MYL3: variants seen among roughly 807,000 people sequenced by gnomAD.
MYL3 encodes the protein CMLC1.
In MYL3, 11 loss-of-function variants were observed where a neutral mutation model predicts 21.3. The observed-to-expected ratio is 0.52, with a 90% confidence interval of 0.32 to 0.85. The LOEUF (loss-of-function observed/expected upper bound fraction) is 0.85. MYL3 is among the 40% of genes least tolerant of loss of function. MYL3 has a pLI of 0.03. For synonymous variants in MYL3, 88 were observed against 91.6 expected, an observed-to-expected ratio of 0.96 and a Z score of 0.22; for missense variants, 206 against 253.3, an observed-to-expected ratio of 0.81 and a Z score of 1.27.
rs1701948770 is a variant in MYL3, at chr3:46,858,093, C to T, written c.*22G>A. 9.7e-7 allele frequency: 1 copy of T among 1,032,066 alleles called. No homozygotes were observed. Among genetic ancestry groups the T allele is most frequent in the Non-Finnish European group, 1.5e-6 (1 of 669,502 alleles). 63.9% of individuals were successfully genotyped at this position (1,032,066 alleles called of 1,614,324 possible). A position where few individuals can be genotyped will look rare whatever the true frequency, so the allele number is the denominator to read the frequency against. On this transcript the variant is annotated 3_prime_UTR_variant, in exon 7 of 7. Transcript: ENST00000292327. ...ATGAGACGTCCCTGCACAGCCTTCCCTGGGCTTCCTGAGAGCAAAGGCAGT... is the reference window on the plus strand; with the variant it reads ...ATGAGACGTCCCTGCACAGCCTTCCTTGGGCTTCCTGAGAGCAAAGGCAGT...
chr3:46,861,781 C>G lies in MYL3; in HGVS notation c.130-794G>C, dbSNP rs571250417. Among the ~76,000 whole-genome samples, 1 of 152,134 alleles carries G rather than the reference C, an allele frequency of 6.6e-6. No individual in the cohort carries two copies. Among genetic ancestry groups the G allele is most frequent in the Non-Finnish European group, 1.5e-5 (1 of 68,016 alleles). ...GTCTATTTTTATCACTGCAGTCACT[C>G]GCCCCAAGGTCAAGGTCACACAAGG... On this transcript the variant is annotated intron_variant, in intron 1 of 6. Coordinates refer to ENST00000292327, the MANE Select transcript of MYL3 (RefSeq NM_000258.3). The surrounding 1 kb of genome is among the most constrained non-coding windows in gnomAD (Gnocchi z 4.2).
At chr3:46,865,416 G>A (rs1315328212), upstream of MYL3, among the ~76,000 whole-genome samples, 5 of 152,244 alleles carry the variant, frequency 3.3e-5, no homozygotes, top group East Asian at 1.9e-4. The surrounding 1 kb of genome is among the most constrained non-coding windows in gnomAD (Gnocchi z 4.3). Flanking sequence ...GAGGGGCCCC[G>A]GGGAGGCCCC....
chr3:46,857,917 G>C lies in MYL3; in HGVS notation c.*198C>G. Reference sequence around the variant, plus strand: ...TTTATTCATGAGGCCCATGGGGTGGGGACAGAGCTGCTGTCACAGGTAAGC... The same window carrying C: ...TTTATTCATGAGGCCCATGGGGTGGCGACAGAGCTGCTGTCACAGGTAAGC... On this transcript the variant is annotated 3_prime_UTR_variant, in exon 7 of 7. Transcript: ENST00000292327. This position sits in a 1 kb window ranked among gnomAD's most constrained non-coding sequence, Gnocchi z 5.0. 1 of 484,488 alleles carries C rather than the reference G, an allele frequency of 2.1e-6. No individual in the cohort carries two copies. The highest frequency in any genetic ancestry group is 3.8e-6 in the Non-Finnish European group (1 of 263,962). 30.0% of individuals were successfully genotyped at this position (484,488 alleles called of 1,614,324 possible).
intron 1 of MYL3, among the ~76,000 whole-genome samples, chr3:46,868,815 T>C (rs1702074586): frequency 6.6e-6 from 1 of 151,944 alleles, no homozygotes; most frequent in South Asian, 2.1e-4. Flanking sequence ...AGGAGGGAGA[T>C]TGAAAATGTG....
chr3:46,876,321 T>A (rs2030210635), intron 1 of MYL3, among the ~76,000 whole-genome samples: 1 of 152,112 alleles, frequency 6.6e-6, no homozygotes, highest in Non-Finnish European at 1.5e-5. Context: ...GCTCTGGCAG[T>A]CAAGAGCCAG....
chr3:46,863,745 C>T (rs923510722), upstream of MYL3, among the ~76,000 whole-genome samples: 4 of 152,146 alleles, frequency 2.6e-5, no homozygotes, highest in South Asian at 8.3e-4. Context: ...CCACACAGGG[C>T]CCTGCTGCCT....
chr3:46,863,641 G>T (rs930509025), upstream of MYL3, among the ~76,000 whole-genome samples: 2 of 152,100 alleles, frequency 1.3e-5, no homozygotes, highest in African/African-American at 4.8e-5. Flanking sequence ...CCAATCACCT[G>T]TTGGGAAGGG....
Position 46,863,397 on chromosome 3 carries a change from C to T in MYL3, c.-7G>A, listed in dbSNP as rs777330879. On this transcript the variant is annotated 5_prime_UTR_variant, in exon 1 of 7. Transcript: ENST00000292327. Reference sequence around the variant, plus strand: ...CTGGCTTTTTGGGGGCCATTGGGGGCTGTAAGTACAGAGAGGGATGTGGAG... The same window carrying T: ...CTGGCTTTTTGGGGGCCATTGGGGGTTGTAAGTACAGAGAGGGATGTGGAG... The T allele has an allele frequency of 1.2e-6, 2 of 1,612,876 alleles. No homozygotes were observed. Among genetic ancestry groups the T allele is most frequent in the Admixed American group, 3.3e-5 (2 of 60,010 alleles).
intron 1 of MYL3, among the ~76,000 whole-genome samples, chr3:46,872,450 C>G (rs899586238): frequency 2.0e-5 from 3 of 151,950 alleles, no homozygotes; most frequent in South Asian, 2.1e-4. Context: ...AGACCCCCCC[C>G]CTCAGCCCAC....
chr3:46,867,472 T>C (rs1702057251), upstream of MYL3, among the ~76,000 whole-genome samples: 1 of 152,198 alleles, frequency 6.6e-6, no homozygotes, highest in Non-Finnish European at 1.5e-5. Flanking sequence ...ATGAAGAATG[T>C]CCATCATCCT....
rs2030075911 is a variant in MYL3, at chr3:46,874,445, C to T, written c.-218+7629G>A. Among the ~76,000 whole-genome samples, 1 of 152,154 alleles carries T rather than the reference C, an allele frequency of 6.6e-6. No individual in the cohort carries two copies. Among genetic ancestry groups the T allele is most frequent in the African/African-American group, 2.4e-5 (1 of 41,434 alleles). ...CAGGAGTGTCAGGACTAGGGGTTCT[C>T]CACTCGAGGGCTCCCGGCCACAGCC... On this transcript the variant is annotated intron_variant, in intron 1 of 3. Coordinates refer to the MYL3 transcript ENST00000431168. The surrounding 1 kb of genome is among the most constrained non-coding windows in gnomAD (Gnocchi z 4.1).
rs1370891773 is a variant in MYL3 at position 46,874,658 on chromosome 3, G to A, written c.-218+7416C>T. Among the ~76,000 whole-genome samples, 2 of 152,192 alleles carry A rather than the reference G, an allele frequency of 1.3e-5. No individual in the cohort carries two copies. The highest frequency in any genetic ancestry group is 2.1e-4 in the South Asian group (1 of 4,828). ...CTTAAAGGTTATAAATAGCAGCAGC[G>A]GGAGCCCATGCAGGGAGAGGCGGAA... On this transcript the variant is annotated intron_variant, in intron 1 of 3. Coordinates refer to the MYL3 transcript ENST00000431168. This position sits in a 1 kb window ranked among gnomAD's most constrained non-coding sequence, Gnocchi z 4.1.
In MYL3 at chr3:46,860,607, T is replaced by C. The variant is rs905044253; in HGVS notation, c.307+69A>G. ...AAGATTCTCGTGCTATCCCGCAGGA[T>C]GGATGGCAGCCCACCCAGCCAGTCT... On this transcript the variant is annotated intron_variant, in intron 3 of 6. Coordinates refer to ENST00000292327, the MANE Select transcript of MYL3 (RefSeq NM_000258.3). This position sits in a 1 kb window ranked among gnomAD's most constrained non-coding sequence, Gnocchi z 4.6. The C allele has an allele frequency of 3.8e-6, 6 of 1,596,352 alleles. No individual in the cohort carries two copies. The African/African-American group carries it at 5.4e-5, about 14-fold the overall frequency.
chr3:46,873,141 T>C (rs939803498), intron 1 of MYL3, among the ~76,000 whole-genome samples: 1 of 152,246 alleles, frequency 6.6e-6, no homozygotes, highest in African/African-American at 2.4e-5. Flanking sequence ...GGTCTCACTC[T>C]GCTGGGAGTT....
At position 46,860,941 on chromosome 3, in the gene MYL3, G is replaced by C. The variant is rs903860936; in HGVS notation, c.157+19C>G. Reference sequence around the variant, plus strand: ...CCCAGCCCAATCCTGCAACCCCTGGGTTCAAGACCCCTGCTCACCTTCAAT... The same window carrying C: ...CCCAGCCCAATCCTGCAACCCCTGGCTTCAAGACCCCTGCTCACCTTCAAT... On this transcript the variant is annotated intron_variant, in intron 2 of 6. Coordinates refer to ENST00000292327, the MANE Select transcript of MYL3 (RefSeq NM_000258.3). The surrounding 1 kb of genome is among the most constrained non-coding windows in gnomAD (Gnocchi z 4.6). 3 of 1,613,910 alleles carry C rather than the reference G, an allele frequency of 1.9e-6. No individual in the cohort carries two copies. The East Asian group carries it at 6.7e-5, about 36-fold the overall frequency.
At chr3:46,872,756 G>C (rs2029983421) in intron 1 of MYL3, among the ~76,000 whole-genome samples, 1 of 152,244 alleles carries the variant, frequency 6.6e-6, no homozygotes, top group South Asian at 2.1e-4. Context: ...TTAGGCTCCA[G>C]CTCAACCCCT....
chr3:46,871,761 C>T (rs1450507625), intron 1 of MYL3, among the ~76,000 whole-genome samples: 1 of 152,242 alleles, frequency 6.6e-6, no homozygotes, highest in Non-Finnish European at 1.5e-5. Flanking sequence ...AGCATCTGGC[C>T]TTGGAGCCCT....
Position 46,859,059 on chromosome 3 carries a change from C to A in MYL3, c.481+416G>T, listed in dbSNP as rs915339821. ...AAGAGGGACCCCCTGCTGCAGGCAGCCGATGGTAGGGGTATAAGTGGGAGG... is the reference window on the plus strand; with the variant it reads ...AAGAGGGACCCCCTGCTGCAGGCAGACGATGGTAGGGGTATAAGTGGGAGG... On this transcript the variant is annotated intron_variant, in intron 4 of 6. Coordinates refer to ENST00000292327, the MANE Select transcript of MYL3 (RefSeq NM_000258.3). The surrounding 1 kb of genome is among the most constrained non-coding windows in gnomAD (Gnocchi z 4.1). Among the ~76,000 whole-genome samples, 1 of 152,118 alleles carries A rather than the reference C, an allele frequency of 6.6e-6. No individual in the cohort carries two copies. The highest frequency in any genetic ancestry group is 2.4e-5 in the African/African-American group (1 of 41,408).
At position 46,874,727 on chromosome 3, in the gene MYL3, A is replaced by AC. The variant is rs944712384; in HGVS notation, c.-218+7346dup. ...TGGGAGGGGGTATTCCGAGGCACAG[A>AC]CCCCCCCCCACACACACAATAGGGA... On this transcript the variant is annotated intron_variant, in intron 1 of 3. Transcript: ENST00000431168. This position sits in a 1 kb window ranked among gnomAD's most constrained non-coding sequence, Gnocchi z 4.1. 1.3e-5 allele frequency among the ~76,000 whole-genome samples: 2 copies of AC among 152,224 alleles called. No individual in the cohort carries two copies. The highest frequency in any genetic ancestry group is 2.4e-5 in the African/African-American group (1 of 41,510).
Sources: gnomAD v4.1 joint callset for allele counts (sites outside exome capture counted in the v4.1 genomes callset) on GRCh38, gnomAD v4.1.1 for gene constraint, Gnocchi (gnomAD v3.1) non-coding constraint, MANE v1.5 for transcripts, NCBI Gene and HGNC (gene_info 2026-07-23, HGNC 2026-07-21) for gene names.